The following TDRD9 variants were observed in gnomAD, a reference collection of about 807,000 sequenced individuals.
The protein encoded by TDRD9 is ATP-dependent RNA helicase TDRD9.
Under a neutral mutation model 172.6 loss-of-function variants are expected in TDRD9, and 124 were observed. The ratio of observed to expected loss-of-function variants is 0.72; its 90% CI spans 0.62 to 0.83. The LOEUF is 0.83. Among genes scored for constraint, TDRD9 ranks in the 40% least tolerant of loss-of-function variants. The probability of loss-of-function intolerance (pLI) is 0.00; values close to 1 mark genes in which losing one functional copy is unlikely to be tolerated. For missense variants in TDRD9, 1,479 were observed against 1,714.1 expected (o/e 0.86, Z 2.42); for synonymous variants, 619 against 617.1 (o/e 1.00, Z -0.05).
chr14:103,999,140 A>C (rs1037069402), intron 13 of TDRD9, among the ~76,000 whole-genome samples: 1 of 152,110 alleles, frequency 6.6e-6, no homozygotes, highest in Non-Finnish European at 1.5e-5. Context: ...TTTTACTTAG[A>C]TATTTCCTTT....
At chr14:103,949,665 G>A (rs577921560) in intron 1 of TDRD9, among the ~76,000 whole-genome samples, 2 of 152,182 alleles carry the variant, frequency 1.3e-5, no homozygotes, top group Admixed American at 1.3e-4. Context: ...AGCTCTAAAC[G>A]CTGGCTTTGC....
rs1045282446 is a variant in TDRD9, at chr14:103,997,003, G to A, written c.1378+1196G>A. On this transcript the variant is annotated intron_variant, in intron 12 of 35. Coordinates refer to ENST00000409874, the MANE Select transcript of TDRD9 (RefSeq NM_153046.3). This position sits in a 1 kb window ranked among gnomAD's most constrained non-coding sequence, Gnocchi z 5.1. ...ACCATCAAGCAAGGAGGCCAGGGCA[G>A]CTGGACCAGTGTGAACGAAGGGGAA... Among the ~76,000 whole-genome samples, 1 of 152,204 alleles carries A rather than the reference G, an allele frequency of 6.6e-6. No individual in the cohort carries two copies. The highest frequency in any genetic ancestry group is 2.4e-5 in the African/African-American group (1 of 41,466).
intron 9 of TDRD9, among the ~76,000 whole-genome samples, chr14:103,993,170 G>A (rs188520556): frequency 2.6e-5 from 4 of 151,378 alleles, no homozygotes; most frequent in East Asian, 2.0e-4. Flanking sequence ...TTGTGGAGAC[G>A]GTTTAACTAG....
intron 1 of TDRD9, among the ~76,000 whole-genome samples, chr14:103,952,729 CTTTTTTTTTTTT>C (rs68192057): frequency 1.5e-4 from 11 of 72,316 alleles, no homozygotes; most frequent in South Asian, 7.0e-4. Flanking sequence ...AATTCTCTCT[CTTTTTTTTTTTT>C]TTTTTTTTTT....
At chr14:103,933,181 C>T (rs779714899) in intron 1 of TDRD9, among the ~76,000 whole-genome samples, 29 of 152,316 alleles carry the variant, frequency 1.9e-4, no homozygotes, top group Non-Finnish European at 3.7e-4. Flanking sequence ...CTTACATTCT[C>T]GTGTCTTCAC....
chr14:103,970,291 C>T (rs963521073), intron 5 of TDRD9, among the ~76,000 whole-genome samples: 1 of 152,124 alleles, frequency 6.6e-6, no homozygotes, highest in Admixed American at 6.5e-5. Context: ...GGGTGCAGAA[C>T]ATTACTCTGC....
Position 103,980,542 on chromosome 14 carries a change from C to T in TDRD9, c.1011+4989C>T, listed in dbSNP as rs1207551521. 1.3e-5 allele frequency among the ~76,000 whole-genome samples: 2 copies of T among 152,170 alleles called. No homozygotes were observed. The highest frequency in any genetic ancestry group is 2.4e-5 in the African/African-American group (1 of 41,438). The stretch of plus-strand genomic sequence containing the variant: ...AGGTGTACAGGATGGAACATGAAAG[C>T]AGACTAGGAGTGTGACCACTGAAGC... On this transcript the variant is annotated intron_variant, in intron 7 of 35. Coordinates refer to ENST00000409874, the MANE Select transcript of TDRD9 (RefSeq NM_153046.3). The surrounding 1 kb of genome is among the most constrained non-coding windows in gnomAD (Gnocchi z 4.5).
chr14:103,991,237 T>C lies in TDRD9; in HGVS notation c.1180+13T>C, dbSNP rs767700686. On this transcript the variant is annotated intron_variant, in intron 9 of 35. Coordinates refer to ENST00000409874, the MANE Select transcript of TDRD9 (RefSeq NM_153046.3). Reference sequence around the variant, plus strand: ...GTGTTTTTGCCAGGTAAGAACATCATAATTTTGTGACTTGGAATCATAATA... The same window carrying C: ...GTGTTTTTGCCAGGTAAGAACATCACAATTTTGTGACTTGGAATCATAATA... The C allele has an allele frequency of 6.2e-7, 1 of 1,613,698 alleles. No homozygotes were observed. The highest frequency in any genetic ancestry group is 8.5e-7 in the Non-Finnish European group (1 of 1,179,802).
At chr14:103,943,673 T>C (rs1038362661) in intron 1 of TDRD9, among the ~76,000 whole-genome samples, 7 of 152,152 alleles carry the variant, frequency 4.6e-5, no homozygotes, top group African/African-American at 1.4e-4. Flanking sequence ...TGCAAGTGTT[T>C]GTCTTTTGCT....
rs953233189 is a variant in TDRD9, at chr14:103,928,461, C to A, written c.-49C>A. 3.5e-6 allele frequency: 5 copies of A among 1,418,406 alleles called. No individual in the cohort carries two copies. In the African/African-American group the frequency reaches 6.1e-5, roughly 17 times the overall value. 87.9% of individuals were successfully genotyped at this position (1,418,406 alleles called of 1,614,324 possible). A position where few individuals can be genotyped will look rare whatever the true frequency, so the allele number is the denominator to read the frequency against. ...GTGCGCTTCCGCCGTCGCCTGTTCC[C>A]GCCGCGGAGACCCGGCAGTTGGGGG... On this transcript the variant is annotated 5_prime_UTR_variant, in exon 1 of 36. Transcript: ENST00000409874.
chr14:103,955,014 C>T (rs545971598), intron 1 of TDRD9, among the ~76,000 whole-genome samples: 1 of 152,192 alleles, frequency 6.6e-6, no homozygotes, highest in Non-Finnish European at 1.5e-5. Flanking sequence ...GCAACCTCCA[C>T]TTCCTGACTC....
At chr14:104,030,557 A>G (rs1228612754) in intron 28 of TDRD9, among the ~76,000 whole-genome samples, 1 of 152,254 alleles carries the variant, frequency 6.6e-6, no homozygotes, top group African/African-American at 2.4e-5. Context: ...TAAATTCTCT[A>G]ATGGGTAAAA....
chr14:104,037,977 A>C (rs1426821580), intron 32 of TDRD9, among the ~76,000 whole-genome samples: 1 of 152,224 alleles, frequency 6.6e-6, no homozygotes, highest in Non-Finnish European at 1.5e-5. Context: ...AGAATGCTCC[A>C]TGGTAGCAGA....
In TDRD9 at chr14:103,965,481, TA is replaced by T; in HGVS notation, c.570del (p.Ile190MetfsTer26). The T allele has an allele frequency of 1.3e-6, 2 of 1,548,804 alleles. No homozygotes were observed. Among genetic ancestry groups the T allele is most frequent in the Non-Finnish European group, 1.7e-6 (2 of 1,146,900 alleles). On this transcript the variant is annotated frameshift_variant, in exon 4 of 36. Coordinates refer to ENST00000409874, the MANE Select transcript of TDRD9 (RefSeq NM_153046.3). LOFTEE classifies it high-confidence loss of function. ...ATTGTGGTCACCCAGCCCCGGAAGA[TA>T]GGGGCAAGCAGCATCGCCAGGTGGA... ...CSIVVTQPRK[I>X]GASSIARWIS...
At chr14:104,050,039 C>T in intron 35 of TDRD9, 1 of 196,744 alleles carries the variant, frequency 5.1e-6, no homozygotes, top group Non-Finnish European at 1.0e-5. Flanking sequence ...TCGGGCTGTA[C>T]TGGTTGTTGT....
Position 103,965,553 on chromosome 14 carries a change from A to C in TDRD9, c.641A>C (p.Gln214Pro). The change falls in exon 4 of 36, where the codon CAG (glutamine) becomes CCG (proline). Residue 214 changes from glutamine to proline, a missense_variant and splice_region_variant. Coordinates refer to ENST00000409874, the MANE Select transcript of TDRD9 (RefSeq NM_153046.3). ...ACCCTGGGAGGTGTGGTGGGCTACC[A>C]GGTGAGACTGGGAGGGAGGGAGGGA... is the stretch of plus-strand genomic sequence containing the variant. ...AWTLGGVVGY[Q>P]VGLEKIATED... 2 of 964,354 alleles carry C rather than the reference A, an allele frequency of 2.1e-6. No individual in the cohort carries two copies. Among genetic ancestry groups the C allele is most frequent in the Non-Finnish European group, 3.0e-6 (2 of 672,880 alleles). 59.7% of individuals were successfully genotyped at this position (964,354 alleles called of 1,614,324 possible).
At chr14:103,934,674 C>T (rs541367064) in intron 1 of TDRD9, among the ~76,000 whole-genome samples, 6 of 152,142 alleles carry the variant, frequency 3.9e-5, no homozygotes, top group Non-Finnish European at 5.9e-5. Context: ...CCCCGCTACT[C>T]GGGAGGCTGA....
intron 35 of TDRD9, chr14:104,049,898 A>G: frequency 1.9e-6 from 1 of 514,568 alleles, no homozygotes. Context: ...AAAGAGTCAG[A>G]CACCAGGATA....
chr14:104,039,499 T>C (rs976907003), intron 32 of TDRD9, among the ~76,000 whole-genome samples: 8 of 152,140 alleles, frequency 5.3e-5, no homozygotes, highest in Admixed American at 3.3e-4. Flanking sequence ...AGTAACATTG[T>C]ATTTGTTTTG....
Sources: allele counts gnomAD v4.1 joint callset (sites outside exome capture counted in the v4.1 genomes callset), GRCh38; gene constraint gnomAD v4.1.1; non-coding constraint Gnocchi (gnomAD v3.1); transcripts MANE v1.5; gene names NCBI Gene and HGNC (gene_info 2026-07-23, HGNC 2026-07-21).